ANKH: variants seen among roughly 807,000 people sequenced by gnomAD.
ANKH encodes mineralization regulator ANKH.
Under a neutral mutation model 49.0 loss-of-function variants are expected in ANKH, and 15 were observed. That is an observed-to-expected ratio of 0.31 (90% CI 0.20 to 0.47). The LOEUF (loss-of-function observed/expected upper bound fraction) is 0.47. Ranked by LOEUF, ANKH falls within the 20% of genes least tolerant of loss-of-function variation. The pLI is 1.00. For missense variants in ANKH, 429 were observed against 652.0 expected, an observed-to-expected ratio of 0.66 and a Z score of 3.72; for synonymous variants, 273 against 260.0, an observed-to-expected ratio of 1.05 and a Z score of -0.48.
intron 11 of ANKH, among the ~76,000 whole-genome samples, chr5:14,711,521 T>C (rs2126395270): frequency 6.6e-6 from 1 of 152,348 alleles, no homozygotes. Context: ...TGCCTGGCAC[T>C]GAGCTAGGCA....
chr5:14,741,909 T>C lies in ANKH; in HGVS notation c.929A>G (p.Asn310Ser). 6.2e-7 allele frequency: 1 copy of C among 1,614,136 alleles called. No homozygotes were observed. The highest frequency in any genetic ancestry group is 2.2e-5 in the East Asian group (1 of 44,876). The change falls in exon 8 of 12, where the codon AAC (asparagine) becomes AGC (serine). Residue 310 changes from asparagine to serine, a missense_variant. Asn to Ser is a conservative substitution (Grantham distance 46). Around this residue, in one of 2 missense-constraint regions of ANKH, gnomAD observed 378 missense variants for 615.3 expected, o/e 0.61. Transcript: ENST00000284268. ...YPAFDKNNPS[N>S]KLVSTSNTVT... is the part of the protein sequence containing the mutation. ...TGTGTTGCTCGTGCTCACCAGTTTG[T>C]TGCTGGGGTTATTCTGGGGAAAGAA...
At chr5:14,822,939 C>T (rs775290533) in intron 1 of ANKH, among the ~76,000 whole-genome samples, 12 of 151,728 alleles carry the variant, frequency 7.9e-5, no homozygotes, top group Non-Finnish European at 1.5e-4. Context: ...GAGGCTGAGG[C>T]AGGAGAATGG....
At chr5:14,779,913 C>T (rs1426024839) in intron 1 of ANKH, among the ~76,000 whole-genome samples, 1 of 152,050 alleles carries the variant, frequency 6.6e-6, no homozygotes, top group Non-Finnish European at 1.5e-5. Context: ...TGGTGTAAAG[C>T]GAAAGTAAAG....
chr5:14,784,083 C>A (rs999253066), intron 1 of ANKH, among the ~76,000 whole-genome samples: 3 of 152,266 alleles, frequency 2.0e-5, no homozygotes, highest in Non-Finnish European at 4.4e-5. Flanking sequence ...TACATGAATT[C>A]ATCCAAGAAA....
chr5:14,793,988 T>C (rs1740291726), intron 1 of ANKH, among the ~76,000 whole-genome samples: 1 of 152,256 alleles, frequency 6.6e-6, no homozygotes, highest in Non-Finnish European at 1.5e-5. Context: ...GCAAATGTGT[T>C]TGCTAAGCCA....
chr5:14,755,792 T>C lies in ANKH; in HGVS notation c.516+69A>G, dbSNP rs1279082723. 5 of 1,429,856 alleles carry C rather than the reference T, an allele frequency of 3.5e-6. No individual in the cohort carries two copies. The Admixed American group carries it at 8.4e-5, about 24-fold the overall frequency. The allele number at this position is 1,429,856 out of a possible 1,614,324, so 88.6% of individuals were successfully genotyped here. ...GTACTGCACAGTGAATGAATATAAA[T>C]CACACATCAGTTACACACGCCAGAA... On this transcript the variant is annotated intron_variant, in intron 4 of 11. Transcript: ENST00000284268.
rs147381025 is a variant in ANKH at position 14,744,153 on chromosome 5, AAC to A, written c.915+1715_915+1716del. On this transcript the variant is annotated intron_variant, in intron 7 of 11. Coordinates refer to ENST00000284268, the MANE Select transcript of ANKH (RefSeq NM_054027.6). ...CTATAGACTGAATTAAACCCACTCA[AAC>A]ACAGTGTCTGCTCTCTCCAGCAAGT... Among the ~76,000 whole-genome samples, 1,353 of 152,320 alleles carry A rather than the reference AAC, an allele frequency of 8.9e-3. 21 individuals are homozygous for A. Among genetic ancestry groups the A allele is most frequent in the African/African-American group, 0.031 (1,295 of 41,560 alleles).
intron 2 of ANKH, among the ~76,000 whole-genome samples, chr5:14,761,084 A>G (rs1739061551): frequency 6.6e-6 from 1 of 152,158 alleles, no homozygotes; most frequent in African/African-American, 2.4e-5. Context: ...GTGAAGATGA[A>G]CGCAGAAACC....
rs1482867001 is a variant in ANKH, at chr5:14,706,328, CATT to C, written c.*4866_*4868del. ...TGATTGCAAATGAAGCAGAGAAAAACATTATCACTAAAATGAAATATTTTAAAA... is the reference window on the plus strand; with the variant it reads ...TGATTGCAAATGAAGCAGAGAAAAACATCACTAAAATGAAATATTTTAAAA... On this transcript the variant is annotated 3_prime_UTR_variant, in exon 12 of 12. Transcript: ENST00000284268. 6.6e-6 allele frequency: 1 copy of C among 152,146 alleles called. No individual in the cohort carries two copies. Among genetic ancestry groups the C allele is most frequent in the African/African-American group, 2.4e-5 (1 of 41,422 alleles). The allele number at this position is 152,146 out of a possible 1,614,324, so 9.4% of individuals were successfully genotyped here. A position where few individuals can be genotyped will look rare whatever the true frequency, so the allele number is the denominator to read the frequency against.
chr5:14,796,482 A>C (rs531873158), intron 1 of ANKH, among the ~76,000 whole-genome samples: 379 of 151,660 alleles, frequency 2.5e-3, no homozygotes, highest in African/African-American at 8.9e-3. Context: ...CCAACAAAAA[A>C]AAAAAAAACA....
At chr5:14,765,701 G>T (rs1393270116) in intron 2 of ANKH, among the ~76,000 whole-genome samples, 1 of 152,152 alleles carries the variant, frequency 6.6e-6, no homozygotes, top group African/African-American at 2.4e-5. Context: ...TCCTTTATTG[G>T]GGCAAACCCA....
rs575823189 is a variant in ANKH, at chr5:14,860,627, T to C, written c.96+10725A>G. 1.0e-3 allele frequency among the ~76,000 whole-genome samples: 152 copies of C among 152,270 alleles called. 1 individual carries two copies. The highest frequency in any genetic ancestry group is 1.6e-3 in the Non-Finnish European group (107 of 68,004). On this transcript the variant is annotated intron_variant, in intron 1 of 11. Transcript: ENST00000284268. ...CAGGTGGTTCACGGATAAAAAAGCA[T>C]ACAAACTTCTTATCACCTTAAAAAC...
intron 1 of ANKH, among the ~76,000 whole-genome samples, chr5:14,791,486 C>T (rs1345493514): frequency 2.6e-5 from 4 of 152,108 alleles, no homozygotes; most frequent in African/African-American, 7.2e-5. Flanking sequence ...CTGTAATGAG[C>T]CTTTTCTTAG....
intron 1 of ANKH, among the ~76,000 whole-genome samples, chr5:14,773,992 T>C (rs1379130733): frequency 6.6e-6 from 1 of 152,238 alleles, no homozygotes; most frequent in Non-Finnish European, 1.5e-5. Context: ...ATGACCACAT[T>C]AAATATACAC....
At chr5:14,860,004 CAT>C (rs919980054) in intron 1 of ANKH, among the ~76,000 whole-genome samples, 99 of 152,320 alleles carry the variant, frequency 6.5e-4, no homozygotes, top group African/African-American at 2.2e-3. Flanking sequence ...GGCTGGGAAA[CAT>C]GTGGTGGACT....
chr5:14,754,398 C>T (rs965514943), intron 4 of ANKH, among the ~76,000 whole-genome samples: 8 of 151,548 alleles, frequency 5.3e-5, no homozygotes, highest in Non-Finnish European at 7.4e-5. Flanking sequence ...AAATGCTCAC[C>T]GACTTGCTGA....
intron 7 of ANKH, among the ~76,000 whole-genome samples, chr5:14,743,542 C>T (rs1738433368): frequency 6.6e-6 from 1 of 152,216 alleles, no homozygotes; most frequent in South Asian, 2.1e-4. Context: ...CTAGTGGAAA[C>T]CTTTCTCAGC....
intron 8 of ANKH, 68 bp from the exon 9 acceptor site, chr5:14,716,903 T>G (rs138312631): frequency 8.1e-5 from 129 of 1,589,480 alleles, no homozygotes; most frequent in Non-Finnish European, 1.0e-4. Context: ...GCAGATCAGG[T>G]GTGGCACAAT....
At chr5:14,789,029 G>A (rs1222486989) in intron 1 of ANKH, among the ~76,000 whole-genome samples, 1 of 152,192 alleles carries the variant, frequency 6.6e-6, no homozygotes, top group Non-Finnish European at 1.5e-5. Context: ...AGGAGTTTGA[G>A]ACCAGCCTGG....
Sources: allele counts gnomAD v4.1 joint callset (sites outside exome capture counted in the v4.1 genomes callset), GRCh38; gene constraint gnomAD v4.1.1; regional missense constraint gnomAD v4.1.1; transcripts MANE v1.5; gene names NCBI Gene and HGNC (gene_info 2026-07-23, HGNC 2026-07-21).